Variants in LCOR observed in about 807,000 individuals in gnomAD.
LCOR encodes the protein ligand-dependent corepressor.
A neutral mutation model predicts 64.4 loss-of-function variants in LCOR; 14 were observed. The ratio of observed to expected loss-of-function variants is 0.22; its 90% confidence interval spans 0.14 to 0.34. LCOR has a LOEUF of 0.34. Among genes scored for constraint, LCOR ranks in the 10% least tolerant of loss-of-function variants. The probability of loss-of-function intolerance (pLI) is 1.00; values close to 1 mark genes in which losing one functional copy is unlikely to be tolerated. For missense variants in LCOR, 1,686 were observed against 1,765.3 expected (o/e 0.96, Z 0.80); for synonymous variants, 643 against 642.5 (o/e 1.00, Z -0.01).
intron 2 of LCOR, among the ~76,000 whole-genome samples, chr10:96,873,715 G>A (rs1411703580): frequency 6.6e-6 from 1 of 151,000 alleles, no homozygotes; most frequent in Non-Finnish European, 1.5e-5. Context: ...CGATTCTCCT[G>A]CCTCAGCCTC....
intron 2 of LCOR, among the ~76,000 whole-genome samples, chr10:96,887,991 G>T (rs944075423): frequency 6.6e-6 from 1 of 151,438 alleles, no homozygotes; most frequent in African/African-American, 2.4e-5. Context: ...TACTTTTTTC[G>T]TAGAATACCA....
intron 2 of LCOR, among the ~76,000 whole-genome samples, chr10:96,847,101 C>CA (rs1367747965): frequency 2.6e-5 from 4 of 151,932 alleles, no homozygotes; most frequent in Non-Finnish European, 5.9e-5. Flanking sequence ...AAATTAGTCA[C>CA]ATGCGGTATT....
chr10:96,922,635 C>A (rs1162430821), intron 4 of LCOR, among the ~76,000 whole-genome samples: 1 of 152,160 alleles, frequency 6.6e-6, no homozygotes, highest in Non-Finnish European at 1.5e-5. Flanking sequence ...GAATTTCCAA[C>A]CAATAGAGGC....
intron 4 of LCOR, among the ~76,000 whole-genome samples, chr10:96,935,770 G>A (rs899967540): frequency 6.6e-6 from 1 of 152,248 alleles, no homozygotes; most frequent in African/African-American, 2.4e-5. Flanking sequence ...GGAAGGCAAG[G>A]CTTGCAGTGA....
rs1276531848 is a variant in LCOR, at chr10:96,980,157, CAAAACA to C, written c.333-631_333-626del. 6.9e-5 allele frequency among the ~76,000 whole-genome samples: 8 copies of C among 115,804 alleles called. No individual in the cohort carries two copies. The South Asian group carries it at 1.8e-3, about 26-fold the overall frequency. The allele number at this position is 115,804 out of a possible 152,430, so 76.0% of individuals were successfully genotyped here. On this transcript the variant is annotated intron_variant, in intron 7 of 7. Coordinates refer to ENST00000421806, the MANE Select transcript of LCOR (RefSeq NM_001346516.2). ...AGACTGTCTCCATTAAAAAACAAAACAAAACAAAAAAAAAAAACTGTAAGTTCTGTT... is the reference window on the plus strand; with the variant it reads ...AGACTGTCTCCATTAAAAAACAAAACAAAAAAAAAAACTGTAAGTTCTGTT...
intron 2 of LCOR, among the ~76,000 whole-genome samples, chr10:96,864,608 C>CTGCA (rs888665998): frequency 3.7e-4 from 56 of 152,304 alleles, no homozygotes; most frequent in African/African-American, 1.3e-3. Flanking sequence ...ACGTTGTTCT[C>CTGCA]TGCATGTATG....
Position 96,984,514 on chromosome 10 carries a change from A to G in LCOR, c.4054A>G (p.Asn1352Asp). The change falls in exon 8 of 8, where the codon AAC (asparagine) becomes GAC (aspartate). Residue 1352 changes from asparagine to aspartate, a missense_variant. Around this residue, in one of 3 missense-constraint regions of LCOR, gnomAD observed 1,293 missense variants for 1,410.4 expected, o/e 0.92. Transcript: ENST00000421806. The stretch of plus-strand genomic sequence containing the variant: ...GCCAAGTCGTAAGAGCGTATGCATC[A>G]ACCCTCTGATGTCCCCCAAGCTTGC... The part of the protein sequence containing the change: ...SKPSRKSVCI[N>D]PLMSPKLALQ... 1.2e-6 allele frequency: 2 copies of G among 1,614,232 alleles called. No homozygotes were observed.
intron 7 of LCOR, among the ~76,000 whole-genome samples, chr10:96,969,946 ATTTTTTT>A (rs751045855): frequency 1.5e-5 from 1 of 67,736 alleles, no homozygotes; most frequent in Non-Finnish European, 2.5e-5. Flanking sequence ...CACCTGGATA[ATTTTTTT>A]TTTTTTTTTT....
intron 4 of LCOR, among the ~76,000 whole-genome samples, chr10:96,941,211 G>A (rs1260862152): frequency 6.7e-5 from 9 of 134,462 alleles, no homozygotes; most frequent in South Asian, 2.3e-4. Context: ...CCTCCCTCCC[G>A]GACGGGGCGG....
At chr10:96,929,671 G>A (rs1322152493) in intron 4 of LCOR, among the ~76,000 whole-genome samples, 1 of 152,148 alleles carries the variant, frequency 6.6e-6, no homozygotes, top group African/African-American at 2.4e-5. Flanking sequence ...ACATCCACAA[G>A]TTGGCTAACT....
chr10:96,913,354 G>T (rs563386629), intron 4 of LCOR, among the ~76,000 whole-genome samples: 1 of 152,282 alleles, frequency 6.6e-6, no homozygotes, highest in African/African-American at 2.4e-5. Context: ...AGCTAATCCA[G>T]TAGTAGTGAG....
chr10:96,874,794 C>T (rs560136012), intron 2 of LCOR, among the ~76,000 whole-genome samples: 3 of 151,984 alleles, frequency 2.0e-5, no homozygotes, highest in East Asian at 3.9e-4. Context: ...TGTACCACCA[C>T]GCCCAGCTAA....
intron 4 of LCOR, among the ~76,000 whole-genome samples, chr10:96,940,974 C>T (rs1242904245): frequency 7.1e-6 from 1 of 139,914 alleles, no homozygotes; most frequent in Admixed American, 6.9e-5. Context: ...GGCGGCCGGG[C>T]AGAGGCGCCC....
At chr10:96,955,720 G>A (rs1847760379) in intron 7 of LCOR, 3 of 1,614,168 alleles carry the variant, frequency 1.9e-6, no homozygotes, top group Middle Eastern at 1.6e-4. Flanking sequence ...GGAAAAATGA[G>A]TGTTTCCAAA....
At position 96,993,865 on chromosome 10, in the gene LCOR, A is replaced by G. The variant is rs1365582306; in HGVS notation, c.*8731A>G. Reference sequence around the variant, plus strand: ...CTTTCTGATGTGTTGCCCATAAGCAATAAGATCCTAGGTAATAACATTTAT... The same window carrying G: ...CTTTCTGATGTGTTGCCCATAAGCAGTAAGATCCTAGGTAATAACATTTAT... On this transcript the variant is annotated 3_prime_UTR_variant, in exon 8 of 8. Transcript: ENST00000421806. 1 of 151,990 alleles carries G rather than the reference A, an allele frequency of 6.6e-6. No homozygotes were observed. Among genetic ancestry groups the G allele is most frequent in the Non-Finnish European group, 1.5e-5 (1 of 68,018 alleles). The allele number at this position is 151,990 out of a possible 1,614,324, so 9.4% of individuals were successfully genotyped here.
intron 2 of LCOR, among the ~76,000 whole-genome samples, chr10:96,842,237 A>C (rs1324355654): frequency 1.3e-5 from 2 of 152,110 alleles, no homozygotes; most frequent in Non-Finnish European, 2.9e-5. Flanking sequence ...TTTACTAAAA[A>C]TACAAAAATT....
intron 7 of LCOR, 105 bp downstream of exon 7, chr10:96,952,301 G>C (rs1193419020): frequency 1.4e-6 from 1 of 720,770 alleles, no homozygotes; most frequent in African/African-American, 1.8e-5. Context: ...TTCTAAGTAA[G>C]TCATTTATAA....
At chr10:96,917,807 A>G (rs1846980944) in intron 4 of LCOR, among the ~76,000 whole-genome samples, 2 of 152,332 alleles carry the variant, frequency 1.3e-5, no homozygotes, top group South Asian at 4.1e-4. Context: ...GTAAATATAT[A>G]AATAAGGGAG....
At chr10:96,953,160 A>T (rs1847710866) in intron 7 of LCOR, among the ~76,000 whole-genome samples, 1 of 152,114 alleles carries the variant, frequency 6.6e-6, no homozygotes, top group Non-Finnish European at 1.5e-5. Context: ...TTAATCCATT[A>T]TGCGTACTAA....
Sources: gnomAD v4.1 joint callset for allele counts (sites outside exome capture counted in the v4.1 genomes callset) on GRCh38, gnomAD v4.1.1 for gene constraint, gnomAD v4.1.1 regional missense constraint, MANE v1.5 for transcripts, NCBI Gene and HGNC (gene_info 2026-07-23, HGNC 2026-07-21) for gene names.